The following MBOAT2 variants were observed in gnomAD, a reference collection of about 807,000 sequenced individuals.
MBOAT2 encodes the protein membrane bound glycerophospholipid O-acyltransferase 2.
A neutral mutation model predicts 63.4 loss-of-function variants in MBOAT2; 28 were observed. The ratio of observed to expected loss-of-function variants is 0.44; its 90% CI spans 0.33 to 0.61. The LOEUF is 0.61. Ranked by LOEUF, MBOAT2 falls within the 20% of genes least tolerant of loss-of-function variation. The pLI is 0.03. For synonymous variants in MBOAT2, 211 were observed against 215.6 expected, an observed-to-expected ratio of 0.98 and a Z score of 0.19; for missense variants, 470 against 605.8, an observed-to-expected ratio of 0.78 and a Z score of 2.35.
chr2:8,914,482 A>C (rs1280538437), intron 3 of MBOAT2, among the ~76,000 whole-genome samples: 1 of 150,378 alleles, frequency 6.6e-6, no homozygotes, highest in African/African-American at 2.5e-5. Flanking sequence ...TAGCTGTGAG[A>C]GTTCAGGAAA....
chr2:8,903,404 A>C (rs888760029), intron 4 of MBOAT2, among the ~76,000 whole-genome samples: 9 of 152,218 alleles, frequency 5.9e-5, no homozygotes, highest in African/African-American at 1.9e-4. Flanking sequence ...GTAAACATTT[A>C]CCAAGCCTCT....
chr2:8,926,324 G>A (rs1457769415), intron 3 of MBOAT2, among the ~76,000 whole-genome samples: 1 of 152,144 alleles, frequency 6.6e-6, no homozygotes, highest in Non-Finnish European at 1.5e-5. Context: ...CTGAATACAA[G>A]TATAAGTAAT....
intron 3 of MBOAT2, among the ~76,000 whole-genome samples, chr2:8,911,611 G>A (rs1032565865): frequency 6.6e-6 from 1 of 152,176 alleles, no homozygotes; most frequent in African/African-American, 2.4e-5. Flanking sequence ...CCTGGGGGAT[G>A]AGAAGGTGAG....
intron 3 of MBOAT2, among the ~76,000 whole-genome samples, chr2:8,942,009 G>GT (rs1668086456): frequency 6.6e-6 from 1 of 152,130 alleles, no homozygotes. Context: ...AGAGGTACAA[G>GT]TTTTTTAAAA....
At chr2:8,931,128 A>C (rs1427711260) in intron 3 of MBOAT2, among the ~76,000 whole-genome samples, 1 of 152,188 alleles carries the variant, frequency 6.6e-6, no homozygotes, top group Non-Finnish European at 1.5e-5. Context: ...ACAATGGTTG[A>C]CTAATTTACA....
intron 2 of MBOAT2, among the ~76,000 whole-genome samples, chr2:8,944,959 A>G (rs1347481408): frequency 6.6e-6 from 1 of 152,160 alleles, no homozygotes; most frequent in Admixed American, 6.5e-5. Flanking sequence ...TTAAACACGG[A>G]AAACACATTT....
intron 3 of MBOAT2, among the ~76,000 whole-genome samples, chr2:8,937,645 T>A (rs1474688950): frequency 6.6e-6 from 1 of 151,856 alleles, no homozygotes; most frequent in Non-Finnish European, 1.5e-5. Flanking sequence ...TGAGGAACAC[T>A]CCAGACAGAG....
At chr2:8,927,531 T>C (rs778109008) in intron 3 of MBOAT2, among the ~76,000 whole-genome samples, 1 of 152,202 alleles carries the variant, frequency 6.6e-6, no homozygotes, top group African/African-American at 2.4e-5. Flanking sequence ...GAGTTGCGTT[T>C]CTCTCAAACA....
At chr2:8,866,427 ATTCAAC>A (rs1434510845) in intron 9 of MBOAT2, among the ~76,000 whole-genome samples, 2 of 152,196 alleles carry the variant, frequency 1.3e-5, no homozygotes, top group Non-Finnish European at 2.9e-5. Context: ...TATATCCATC[ATTCAAC>A]TTCAACAATG....
intron 3 of MBOAT2, among the ~76,000 whole-genome samples, chr2:8,922,478 T>C (rs1485752568): frequency 6.6e-6 from 1 of 152,232 alleles, no homozygotes; most frequent in African/African-American, 2.4e-5. Context: ...TTTTGTTTCT[T>C]AGCCTGAAGT....
In MBOAT2 at chr2:8,853,431, C is replaced by T. The variant is rs777205169; in HGVS notation, c.*5248G>A. ...TCAAACTCTCAACATATATTTTCGT[C>T]CTTTAATGCAAAAGGACAGGGGGGA... On this transcript the variant is annotated 3_prime_UTR_variant, in exon 13 of 13. Coordinates refer to ENST00000305997, the MANE Select transcript of MBOAT2 (RefSeq NM_138799.4). 5 of 152,156 alleles carry T rather than the reference C, an allele frequency of 3.3e-5. No individual in the cohort carries two copies. Among genetic ancestry groups the T allele is most frequent in the Non-Finnish European group, 5.9e-5 (4 of 68,028 alleles). 9.4% of individuals were successfully genotyped at this position (152,156 alleles called of 1,614,324 possible).
intron 4 of MBOAT2, among the ~76,000 whole-genome samples, chr2:8,906,527 C>A (rs1432932379): frequency 2.0e-5 from 3 of 152,208 alleles, no homozygotes; most frequent in Non-Finnish European, 4.4e-5. Context: ...GGAGCAGAGA[C>A]TCCCTTCTCA....
In MBOAT2 at chr2:8,858,703, C is replaced by T. The variant is rs776710000; in HGVS notation, c.1539G>A (p.Ser513=). The T allele has an allele frequency of 3.9e-5, 63 of 1,612,342 alleles. No individual in the cohort carries two copies. Among genetic ancestry groups the T allele is most frequent in the East Asian group, 2.9e-4 (13 of 44,864 alleles). The change falls in exon 13 of 13, where the codon TCG becomes TCA. Residue 513 remains serine, a synonymous_variant. Transcript: ENST00000305997. Reference sequence around the variant, plus strand: ...ATCACTGCTTTAGTGATGAATGTCTCGAGGCTATTTCTTGATTCTGATTGC... The same window carrying T: ...ATCACTGCTTTAGTGATGAATGTCTTGAGGCTATTTCTTGATTCTGATTGC... ...NVCNQNQEIA[S]RHSSLKQ is the part of the protein sequence containing the mutation.
intron 2 of MBOAT2, among the ~76,000 whole-genome samples, chr2:8,956,602 A>G (rs562340610): frequency 2.2e-4 from 34 of 152,218 alleles, no homozygotes; most frequent in African/African-American, 7.7e-4. Flanking sequence ...CTGAGGTGGG[A>G]GGATCAATCA....
intron 2 of MBOAT2, among the ~76,000 whole-genome samples, chr2:8,945,610 T>G (rs1668360848): frequency 6.6e-6 from 1 of 152,098 alleles, no homozygotes; most frequent in African/African-American, 2.4e-5. Context: ...AAAACTCACG[T>G]TGTTTCGGGG....
At chr2:8,912,353 GAA>G (rs34638251) in intron 3 of MBOAT2, among the ~76,000 whole-genome samples, 47 of 75,560 alleles carry the variant, frequency 6.2e-4, no homozygotes, top group African/African-American at 2.5e-3. Flanking sequence ...GAAAGAAAGA[GAA>G]AGAAAGAAAG....
intron 1 of MBOAT2, chr2:8,974,460 G>T (rs1226202691): frequency 4.4e-6 from 2 of 456,058 alleles, no homozygotes; most frequent in Non-Finnish European, 8.8e-6. Context: ...TAAGAAAGCA[G>T]AACAGAAAGA....
intron 4 of MBOAT2, among the ~76,000 whole-genome samples, chr2:8,898,130 A>G (rs898348016): frequency 6.6e-6 from 1 of 152,216 alleles, no homozygotes; most frequent in African/African-American, 2.4e-5. Context: ...TAAGGACTCC[A>G]AGAGCTATCC....
intron 4 of MBOAT2, among the ~76,000 whole-genome samples, chr2:8,888,454 C>A (rs183394291): frequency 1.7e-3 from 258 of 152,270 alleles, no homozygotes; most frequent in African/African-American, 5.8e-3. Flanking sequence ...TCAGTACTTT[C>A]TTCAACATAT....
Sources: gnomAD v4.1 joint callset for allele counts (sites outside exome capture counted in the v4.1 genomes callset) on GRCh38, gnomAD v4.1.1 for gene constraint, MANE v1.5 for transcripts, NCBI Gene and HGNC (gene_info 2026-07-23, HGNC 2026-07-21) for gene names.